The following UBE2E3 variants were observed in gnomAD, a reference collection of about 807,000 sequenced individuals.
The protein encoded by UBE2E3 is ubiquitin conjugating enzyme E2 E3.
UBE2E3 carries 5 observed loss-of-function variants against 23.6 expected under a neutral mutation model. The observed-to-expected ratio is 0.21, with a 90% CI of 0.11 to 0.44. UBE2E3 has a LOEUF of 0.44. Ranked by LOEUF, UBE2E3 falls within the 20% of genes least tolerant of loss-of-function variation. The pLI, the probability that UBE2E3 is intolerant of heterozygous loss-of-function variation, is 0.99. For synonymous variants in UBE2E3, 78 were observed against 87.5 expected, an observed-to-expected ratio of 0.89 and a Z score of 0.60; for missense variants, 81 against 249.8, an observed-to-expected ratio of 0.32 and a Z score of 4.55.
chr2:181,031,334 C>T (rs985561044), intron 3 of UBE2E3, among the ~76,000 whole-genome samples: 7 of 152,070 alleles, frequency 4.6e-5, no homozygotes, highest in East Asian at 1.9e-4. Context: ...AAACAAGATA[C>T]GTAGAAATGT....
At chr2:181,042,921 C>G (rs1335983501) in intron 3 of UBE2E3, among the ~76,000 whole-genome samples, 3 of 152,090 alleles carry the variant, frequency 2.0e-5, no homozygotes, top group Non-Finnish European at 4.4e-5. Context: ...ATTTTTAGAT[C>G]TTGTGTGATT....
chr2:180,982,419 T>G (rs1684327133), intron 2 of UBE2E3, among the ~76,000 whole-genome samples, 183 bp downstream of exon 2: 1 of 152,258 alleles, frequency 6.6e-6, no homozygotes, highest in African/African-American at 2.4e-5. Context: ...AGAATTATAC[T>G]TTTAAGCAAA....
intron 3 of UBE2E3, among the ~76,000 whole-genome samples, chr2:180,997,054 T>TA (rs1207636855): frequency 1.1e-4 from 16 of 151,940 alleles, no homozygotes; most frequent in Non-Finnish European, 1.8e-4. Flanking sequence ...TTTTTCCACT[T>TA]ACAGGGAAAC....
In UBE2E3 at chr2:180,993,089, G is replaced by T. The variant is rs573216556; in HGVS notation, c.245+8996G>T. On this transcript the variant is annotated intron_variant, in intron 3 of 5. Coordinates refer to ENST00000410062, the MANE Select transcript of UBE2E3 (RefSeq NM_006357.4). ...GTAAAGCCTTGGGATTTTTATCTCT[G>T]TTGACATTCTATCAGTTTTATAAGG... is the stretch of plus-strand genomic sequence containing the variant. 9.2e-5 allele frequency among the ~76,000 whole-genome samples: 14 copies of T among 152,308 alleles called. No homozygotes were observed. In the South Asian group the frequency reaches 2.3e-3, roughly 25 times the overall value.
At chr2:180,982,291 T>A in intron 2 of UBE2E3, 55 bp downstream of exon 2, 1 of 1,539,696 alleles carries the variant, frequency 6.5e-7, no homozygotes. Context: ...TCCAGGTGGT[T>A]GGACGCTTTT....
chr2:181,011,096 T>A (rs566482196), intron 3 of UBE2E3, among the ~76,000 whole-genome samples: 49 of 152,114 alleles, frequency 3.2e-4, no homozygotes, highest in Middle Eastern at 3.4e-3. Context: ...TTTTTTTTTT[T>A]AATTAGTTAG....
At position 180,980,933 on chromosome 2, in the gene UBE2E3, A is replaced by G; in HGVS notation, c.-66A>G. Reference sequence around the variant, plus strand: ...GGGTTTTTTTCTCTCTCCCTCCCCCACACCGTAGCGGCGCGCGAGCGGGCC... The same window carrying G: ...GGGTTTTTTTCTCTCTCCCTCCCCCGCACCGTAGCGGCGCGCGAGCGGGCC... On this transcript the variant is annotated 5_prime_UTR_variant, in exon 1 of 6. Coordinates refer to ENST00000410062, the MANE Select transcript of UBE2E3 (RefSeq NM_006357.4). The surrounding 1 kb of genome is among the most constrained non-coding windows in gnomAD (Gnocchi z 5.5). 1.4e-5 allele frequency: 1 copy of G among 73,564 alleles called. No individual in the cohort carries two copies. The highest frequency in any genetic ancestry group is 5.4e-5 in the African/African-American group (1 of 18,648). 4.6% of individuals were successfully genotyped at this position (73,564 alleles called of 1,614,324 possible).
intron 3 of UBE2E3, among the ~76,000 whole-genome samples, chr2:180,996,415 G>A (rs981842418): frequency 7.2e-5 from 11 of 152,128 alleles, no homozygotes; most frequent in East Asian, 3.8e-4. Flanking sequence ...AAGGTAGAAC[G>A]CAAACCTTTA....
chr2:181,004,083 G>A (rs1209257725), intron 3 of UBE2E3, among the ~76,000 whole-genome samples: 2 of 151,796 alleles, frequency 1.3e-5, no homozygotes, highest in African/African-American at 4.8e-5. Flanking sequence ...AGGCTGGGGT[G>A]GAGAGTTAAG....
At chr2:181,025,122 A>G (rs531499917) in intron 3 of UBE2E3, among the ~76,000 whole-genome samples, 3 of 151,972 alleles carry the variant, frequency 2.0e-5, no homozygotes, top group Non-Finnish European at 4.4e-5. Context: ...AAAAAATACC[A>G]AATAATTTAT....
chr2:181,026,926 GTTA>G (rs1368632754), intron 3 of UBE2E3, among the ~76,000 whole-genome samples: 1 of 151,854 alleles, frequency 6.6e-6, no homozygotes, highest in Non-Finnish European at 1.5e-5. Context: ...TTGATAACCA[GTTA>G]TTCAGGCAAT....
chr2:181,031,606 TC>T (rs2105647503), intron 3 of UBE2E3, among the ~76,000 whole-genome samples: 1 of 152,328 alleles, frequency 6.6e-6, no homozygotes, highest in Non-Finnish European at 1.5e-5. Flanking sequence ...ACGACTACTT[TC>T]TGTTTTTCTC....
At chr2:180,993,687 A>G (rs764717369) in intron 3 of UBE2E3, among the ~76,000 whole-genome samples, 4 of 152,182 alleles carry the variant, frequency 2.6e-5, no homozygotes, top group Non-Finnish European at 2.9e-5. Flanking sequence ...ACAGTCTTAT[A>G]GGTCCTTTAC....
intron 3 of UBE2E3, among the ~76,000 whole-genome samples, chr2:180,995,977 TTTC>T (rs2105583613): frequency 6.6e-6 from 1 of 152,306 alleles, no homozygotes; most frequent in Non-Finnish European, 1.5e-5. Context: ...TTACCAGTTT[TTTC>T]TTCTTTTTCA....
At chr2:181,005,494 A>G (rs940145150) in intron 3 of UBE2E3, among the ~76,000 whole-genome samples, 20 of 152,212 alleles carry the variant, frequency 1.3e-4, no homozygotes, top group African/African-American at 4.8e-4. Context: ...GGTTACCACA[A>G]GTTAAGTAAA....
chr2:181,009,740 C>T (rs1685260934), intron 3 of UBE2E3, among the ~76,000 whole-genome samples: 1 of 152,036 alleles, frequency 6.6e-6, no homozygotes, highest in African/African-American at 2.4e-5. Context: ...GACTCCCGTA[C>T]TGTAAAGTAC....
intron 3 of UBE2E3, among the ~76,000 whole-genome samples, chr2:181,010,685 G>A (rs1685298190): frequency 6.6e-6 from 1 of 151,930 alleles, no homozygotes; most frequent in Non-Finnish European, 1.5e-5. Context: ...TTTTCTGGTG[G>A]GACTTCAGAA....
chr2:181,053,017 T>C (rs1369492595), intron 3 of UBE2E3, among the ~76,000 whole-genome samples: 3 of 151,992 alleles, frequency 2.0e-5, no homozygotes, highest in Non-Finnish European at 4.4e-5. Context: ...CATTTCTTAG[T>C]CGTTTCACCA....
intron 3 of UBE2E3, among the ~76,000 whole-genome samples, chr2:181,003,577 A>G (rs1344590972): frequency 6.6e-6 from 1 of 152,242 alleles, no homozygotes; most frequent in Non-Finnish European, 1.5e-5. Flanking sequence ...GATTTTACTC[A>G]GTACCTGAAT....
Sources: allele counts gnomAD v4.1 joint callset (sites outside exome capture counted in the v4.1 genomes callset), GRCh38; gene constraint gnomAD v4.1.1; non-coding constraint Gnocchi (gnomAD v3.1); transcripts MANE v1.5; gene names NCBI Gene and HGNC (gene_info 2026-07-23, HGNC 2026-07-21).